CTDP1: variants seen among roughly 807,000 people sequenced by gnomAD.
CTDP1 encodes CTD phosphatase 1.
CTDP1 carries 47 observed loss-of-function variants against 91.8 expected under a neutral mutation model. The observed-to-expected ratio is 0.51, with a 90% CI of 0.41 to 0.65. CTDP1 has a LOEUF of 0.65. Among genes scored for constraint, CTDP1 ranks in the 30% least tolerant of loss-of-function variants. The pLI is 0.00. For missense variants in CTDP1, 1,272 were observed against 1,373.7 expected (o/e 0.93, Z 1.17); for synonymous variants, 656 against 598.5 (o/e 1.10, Z -1.40).
Position 79,729,457 on chromosome 18 carries a change from C to T in CTDP1, c.2580+388C>T, listed in dbSNP as rs868058408. Among the ~76,000 whole-genome samples the T allele has an allele frequency of 3.3e-5, 5 of 152,364 alleles. No homozygotes were observed. The South Asian group carries it at 8.3e-4, about 25-fold the overall frequency. ...TGACCCTGGGGCCGGTCAACACCCC[C>T]TGCCTGACGCCGACCGGCCCCCATT... On this transcript the variant is annotated intron_variant, in intron 11 of 12. Coordinates refer to ENST00000613122, the MANE Select transcript of CTDP1 (RefSeq NM_004715.5).
At chr18:79,679,555 T>C (rs907830803), upstream of CTDP1, 8 of 461,134 alleles carry the variant, frequency 1.7e-5, no homozygotes, top group African/African-American at 1.6e-4. Context: ...CACGCCGGGA[T>C]ACGTAGTTCC....
At chr18:79,686,564 A>G (rs1456065277) in intron 1 of CTDP1, among the ~76,000 whole-genome samples, 1 of 152,254 alleles carries the variant, frequency 6.6e-6, no homozygotes, top group African/African-American at 2.4e-5. Flanking sequence ...AATTCCTTAC[A>G]ATGTTAAGAG....
chr18:79,741,128 G>A (rs1408628880), intron 12 of CTDP1, among the ~76,000 whole-genome samples: 1 of 147,816 alleles, frequency 6.8e-6, no homozygotes, highest in Non-Finnish European at 1.5e-5. Flanking sequence ...CTGTCCCTGA[G>A]TCCCCGAGGT....
intron 3 of CTDP1, among the ~76,000 whole-genome samples, chr18:79,697,026 GA>G (rs1273869282): frequency 6.6e-6 from 1 of 152,222 alleles, no homozygotes; most frequent in African/African-American, 2.4e-5. Context: ...CTTTTTATGG[GA>G]AAAGCAAAAT....
intron 1 of CTDP1, among the ~76,000 whole-genome samples, chr18:79,680,664 C>T (rs985432597): frequency 4.6e-5 from 7 of 152,214 alleles, no homozygotes; most frequent in Non-Finnish European, 1.5e-5. Flanking sequence ...GGTGTGTGCA[C>T]ATCTTTAAAT....
intron 12 of CTDP1, among the ~76,000 whole-genome samples, chr18:79,747,300 C>T (rs1381767675): frequency 6.6e-6 from 1 of 152,214 alleles, no homozygotes; most frequent in Admixed American, 6.5e-5. Context: ...GTAACACACA[C>T]AGGTTCATTC....
intron 4 of CTDP1, 24 bp from the exon 5 acceptor site, chr18:79,704,743 G>T (rs769596677): frequency 1.8e-5 from 29 of 1,612,498 alleles, no homozygotes; most frequent in Non-Finnish European, 2.5e-5. Flanking sequence ...CTTTTCTCCC[G>T]ACTGTTGCTA....
intron 12 of CTDP1, among the ~76,000 whole-genome samples, chr18:79,737,437 C>CT (rs1281476849): frequency 6.6e-6 from 1 of 152,124 alleles, no homozygotes; most frequent in African/African-American, 2.4e-5. Flanking sequence ...GGGGATTTAG[C>CT]TTTTTTCCCA....
intron 11 of CTDP1, among the ~76,000 whole-genome samples, chr18:79,730,107 T>C (rs1168745067): frequency 6.6e-6 from 1 of 152,228 alleles, no homozygotes; most frequent in Non-Finnish European, 1.5e-5. Flanking sequence ...GACGCCAGTT[T>C]ATCTTGTGAG....
At position 79,751,526 on chromosome 18, in the gene CTDP1, C is replaced by T. The variant is rs1599330504; in HGVS notation, c.2748-2126C>T. 2.0e-5 allele frequency among the ~76,000 whole-genome samples: 3 copies of T among 152,260 alleles called. 1 individual carries two copies. Among genetic ancestry groups the T allele is most frequent in the South Asian group, 4.1e-4 (2 of 4,828 alleles). ...CTGATCGGCTGTGTGTGCCAGCCCA[C>T]GGGGTTCTCTTGTCTTCTGTTGGTT... is the stretch of plus-strand genomic sequence containing the variant. On this transcript the variant is annotated intron_variant, in intron 12 of 12. Transcript: ENST00000613122.
chr18:79,753,388 G>A (rs1026196569), intron 12 of CTDP1, among the ~76,000 whole-genome samples: 19 of 152,222 alleles, frequency 1.2e-4, no homozygotes, highest in African/African-American at 3.9e-4. Flanking sequence ...CGGCCGGAAC[G>A]TGCATTTGCA....
rs778117052 is a variant in CTDP1 at position 79,714,788 on chromosome 18, A to C, written c.1328A>C (p.Gln443Pro). 2.1e-5 allele frequency: 33 copies of C among 1,603,716 alleles called. No homozygotes were observed. The Admixed American group carries it at 2.4e-4, about 12-fold the overall frequency. Residue 443 changes from glutamine to proline, a missense_variant, in exon 8 of 13, where the codon CAG becomes CCG. Around this residue, in one of 3 missense-constraint regions of CTDP1, gnomAD observed 881 missense variants for 911.6 expected, o/e 0.97. Transcript: ENST00000613122. ...GRVAPGQRPA[Q>P]GATGTDLDFD... ...GTGGCACCGGGACAGCGGCCTGCCC[A>C]GGGTGCCACGGGCACTGACCTGGAC...
At chr18:79,707,760 G>A (rs1476019546) in intron 5 of CTDP1, among the ~76,000 whole-genome samples, 2 of 152,208 alleles carry the variant, frequency 1.3e-5, no homozygotes, top group African/African-American at 4.8e-5. Context: ...GGCGGGATCT[G>A]TAGAGATGAC....
At position 79,709,534 on chromosome 18, in the gene CTDP1, T is replaced by C. The variant is rs143849761; in HGVS notation, c.773-812T>C. Among the ~76,000 whole-genome samples the C allele has an allele frequency of 3.0e-3, 462 of 152,362 alleles. 1 individual carries two copies. Among genetic ancestry groups the C allele is most frequent in the African/African-American group, 0.01 (425 of 41,594 alleles). On this transcript the variant is annotated intron_variant, in intron 5 of 12. Coordinates refer to ENST00000613122, the MANE Select transcript of CTDP1 (RefSeq NM_004715.5). ...GAGTCGAAGCTGAGCATCAAGCATG[T>C]GAAGCTCTTTAGAAAATTACTGTTA...
chr18:79,714,086 G>C (rs1340472419), intron 7 of CTDP1, among the ~76,000 whole-genome samples: 2 of 150,614 alleles, frequency 1.3e-5, no homozygotes, highest in Non-Finnish European at 3.0e-5. Context: ...AGGGGCTTAC[G>C]GTCACGGTGG....
chr18:79,692,271 G>T (rs1023316315), intron 1 of CTDP1, among the ~76,000 whole-genome samples: 1 of 152,220 alleles, frequency 6.6e-6, no homozygotes, highest in East Asian at 1.9e-4. Context: ...CTGGCTGGAA[G>T]GTGCCCCCCG....
chr18:79,708,169 G>T (rs73972718), intron 5 of CTDP1, among the ~76,000 whole-genome samples: 3,250 of 152,332 alleles, frequency 0.021, 115 homozygotes, highest in African/African-American at 0.074. Context: ...TGATGCTTCA[G>T]CCAGGAAGCA....
Position 79,696,010 on chromosome 18 carries a change from G to A in CTDP1, c.432G>A (p.Pro144=), listed in dbSNP as rs368410495. 2.4e-5 allele frequency: 39 copies of A among 1,612,342 alleles called. No homozygotes were observed. The highest frequency in any genetic ancestry group is 5.3e-5 in the African/African-American group (4 of 74,940). Residue 144 remains proline (P), a synonymous_variant, in exon 3 of 13, where the codon CCG becomes CCA. Transcript: ENST00000613122. ...GTAAGAACGGGAAGCAGCAGGTGCC[G>A]CTGTCCACGGCGACCGTGTCCATGG... ...LQSKNGKQQV[P]LSTATVSMVH... is the part of the protein sequence containing the mutation.
chr18:79,707,494 G>T (rs2085991256), intron 5 of CTDP1, among the ~76,000 whole-genome samples: 1 of 152,264 alleles, frequency 6.6e-6, no homozygotes, highest in African/African-American at 2.4e-5. Context: ...TAGGTTTGTT[G>T]AGCGTCACCG....
Sources: allele counts gnomAD v4.1 joint callset (sites outside exome capture counted in the v4.1 genomes callset), GRCh38; gene constraint gnomAD v4.1.1; regional missense constraint gnomAD v4.1.1; transcripts MANE v1.5; gene names NCBI Gene and HGNC (gene_info 2026-07-23, HGNC 2026-07-21).